The following GABBR2 variants were observed in gnomAD, a reference collection of about 807,000 sequenced individuals.
GABBR2 encodes the protein gamma-aminobutyric acid type B receptor subunit 2.
A neutral mutation model predicts 105.6 loss-of-function variants in GABBR2; 23 were observed. That is an observed-to-expected ratio of 0.22 (90% confidence interval 0.16 to 0.31). GABBR2 has a LOEUF of 0.31. GABBR2 is among the 10% of genes least tolerant of loss of function. GABBR2 has a pLI of 1.00. For missense variants in GABBR2, 734 were observed against 1,245.5 expected (o/e 0.59, Z 6.18); for synonymous variants, 478 against 499.7 (o/e 0.96, Z 0.58).
chr9:98,345,875 C>T (rs144992012), intron 13 of GABBR2, among the ~76,000 whole-genome samples: 85 of 152,310 alleles, frequency 5.6e-4, no homozygotes, highest in African/African-American at 2.0e-3. Context: ...TACAGTGAGC[C>T]ACACAAATTT....
intron 4 of GABBR2, among the ~76,000 whole-genome samples, chr9:98,487,786 C>G (rs1350791363): frequency 6.6e-6 from 1 of 151,980 alleles, no homozygotes; most frequent in African/African-American, 2.4e-5. Flanking sequence ...CCCACTCCCC[C>G]AGTCCCCCAA....
At chr9:98,419,978 C>G (rs369864011) in intron 7 of GABBR2, among the ~76,000 whole-genome samples, 1 of 151,990 alleles carries the variant, frequency 6.6e-6, no homozygotes, top group East Asian at 1.9e-4. Flanking sequence ...CTCCTGACAA[C>G]GTTTCTGGCT....
intron 8 of GABBR2, among the ~76,000 whole-genome samples, chr9:98,403,869 A>G (rs182598211): frequency 2.0e-5 from 3 of 152,092 alleles, no homozygotes; most frequent in African/African-American, 7.2e-5. Flanking sequence ...TTATACTCCT[A>G]TTTTACAGAT....
rs116534802 is a variant in GABBR2, at chr9:98,696,075, A to C, written c.321+12342T>G. Among the ~76,000 whole-genome samples, 858 of 152,350 alleles carry C rather than the reference A, an allele frequency of 5.6e-3. 10 individuals are homozygous for C. The highest frequency in any genetic ancestry group is 0.017 in the African/African-American group (690 of 41,580). On this transcript the variant is annotated intron_variant, in intron 1 of 18. Transcript: ENST00000259455. ...GAGACCAATAGGGATCAAATAATCCAACAAAAGTTAACTTGCGGCTGTGAT... is the reference window on the plus strand; with the variant it reads ...GAGACCAATAGGGATCAAATAATCCCACAAAAGTTAACTTGCGGCTGTGAT...
At chr9:98,458,824 T>C (rs1826371728) in intron 6 of GABBR2, among the ~76,000 whole-genome samples, 1 of 152,256 alleles carries the variant, frequency 6.6e-6, no homozygotes, top group Admixed American at 6.5e-5. Context: ...ATTTCAAGCA[T>C]ACAAAAATTG....
At chr9:98,529,500 G>T (rs1411181154) in intron 3 of GABBR2, among the ~76,000 whole-genome samples, 4 of 152,170 alleles carry the variant, frequency 2.6e-5, no homozygotes, top group South Asian at 2.1e-4. Context: ...AAAGACATCA[G>T]CCTAGATGTT....
chr9:98,592,770 G>A (rs1423393503), intron 1 of GABBR2, among the ~76,000 whole-genome samples: 1 of 152,202 alleles, frequency 6.6e-6, no homozygotes, highest in Non-Finnish European at 1.5e-5. Flanking sequence ...GGAAAGTGAG[G>A]ATATGTCTTA....
chr9:98,381,932 C>T lies in GABBR2; in HGVS notation c.1662+3708G>A, dbSNP rs959952170. Among the ~76,000 whole-genome samples the T allele has an allele frequency of 3.9e-5, 6 of 152,116 alleles. No homozygotes were observed. In the East Asian group the frequency reaches 1.2e-3, roughly 29 times the overall value. On this transcript the variant is annotated intron_variant, in intron 11 of 18. Coordinates refer to ENST00000259455, the MANE Select transcript of GABBR2 (RefSeq NM_005458.8). ...TGTGGGGGATGTCCCTGTTTTTGCTCCCTAGCCTGCGTCACCCTGTGGTTG... is the reference window on the plus strand; with the variant it reads ...TGTGGGGGATGTCCCTGTTTTTGCTTCCTAGCCTGCGTCACCCTGTGGTTG...
chr9:98,483,093 A>ACC, intron 4 of GABBR2, among the ~76,000 whole-genome samples: 1 of 152,212 alleles, frequency 6.6e-6, no homozygotes, highest in East Asian at 1.9e-4. Flanking sequence ...CTCCAGCGCA[A>ACC]CATGTCCCAA....
At chr9:98,422,869 T>C (rs949619889) in intron 7 of GABBR2, among the ~76,000 whole-genome samples, 11 of 151,746 alleles carry the variant, frequency 7.2e-5, no homozygotes, top group African/African-American at 2.7e-4. Context: ...GTGTTTGGTT[T>C]TTTGTCCTTG....
At chr9:98,533,084 AGT>A (rs1373123513) in intron 3 of GABBR2, among the ~76,000 whole-genome samples, 1 of 152,172 alleles carries the variant, frequency 6.6e-6, no homozygotes, top group East Asian at 1.9e-4. Flanking sequence ...GCATGACCTG[AGT>A]GGAATTCTGC....
intron 3 of GABBR2, among the ~76,000 whole-genome samples, chr9:98,508,684 A>G (rs1588202486): frequency 6.6e-6 from 1 of 152,192 alleles, no homozygotes; most frequent in East Asian, 1.9e-4. Flanking sequence ...GCAGTCCGAG[A>G]TCAAGCTGCA....
At position 98,376,958 on chromosome 9, in the gene GABBR2, C is replaced by T. The variant is rs1831885376; in HGVS notation, c.1663-5387G>A. On this transcript the variant is annotated intron_variant, in intron 11 of 18. Transcript: ENST00000259455. Reference sequence around the variant, plus strand: ...GGGCCCTTTCTGAAGGACTCCACTCCTCAAGGCCCTTGAAGCCAACAAACT... The same window carrying T: ...GGGCCCTTTCTGAAGGACTCCACTCTTCAAGGCCCTTGAAGCCAACAAACT... 3.3e-5 allele frequency among the ~76,000 whole-genome samples: 5 copies of T among 152,308 alleles called. No individual in the cohort carries two copies. In the South Asian group the frequency reaches 1.0e-3, roughly 32 times the overall value.
intron 2 of GABBR2, among the ~76,000 whole-genome samples, chr9:98,575,085 CCA>C (rs1374442608): frequency 2.1e-3 from 144 of 69,500 alleles, no homozygotes; most frequent in African/African-American, 0.01. Context: ...ATAAACACCA[CCA>C]CCCCCCCCCA....
chr9:98,352,784 T>C (rs1366040174), intron 13 of GABBR2, among the ~76,000 whole-genome samples: 1 of 152,084 alleles, frequency 6.6e-6, no homozygotes, highest in Non-Finnish European at 1.5e-5. Flanking sequence ...ATTGATGTTC[T>C]CTGGGGCATA....
At chr9:98,319,897 G>T (rs977808816) in intron 13 of GABBR2, among the ~76,000 whole-genome samples, 2 of 152,140 alleles carry the variant, frequency 1.3e-5, no homozygotes, top group African/African-American at 4.8e-5. Flanking sequence ...TAGGCAGTAA[G>T]ATTCAGGACA....
chr9:98,425,609 C>G (rs1825668243), intron 7 of GABBR2, among the ~76,000 whole-genome samples: 1 of 152,176 alleles, frequency 6.6e-6, no homozygotes, highest in South Asian at 2.1e-4. Context: ...TTCAAAGGCT[C>G]CAAACCTGGG....
chr9:98,595,277 TG>T (rs1829216831), intron 1 of GABBR2, among the ~76,000 whole-genome samples: 1 of 151,956 alleles, frequency 6.6e-6, no homozygotes, highest in South Asian at 2.1e-4. Flanking sequence ...AATCCATTCA[TG>T]AGGGCTCCAC....
intron 5 of GABBR2, among the ~76,000 whole-genome samples, chr9:98,477,449 A>T (rs913948101): frequency 2.6e-5 from 4 of 152,192 alleles, no homozygotes; most frequent in Non-Finnish European, 5.9e-5. Context: ...CATGCTGCCC[A>T]GGCTGGTCTA....
Sources: gnomAD v4.1 joint callset for allele counts (sites outside exome capture counted in the v4.1 genomes callset) on GRCh38, gnomAD v4.1.1 for gene constraint, MANE v1.5 for transcripts, NCBI Gene and HGNC (gene_info 2026-07-23, HGNC 2026-07-21) for gene names.